The following COL20A1 variants were observed in gnomAD, a reference collection of about 807,000 sequenced individuals.
The protein encoded by COL20A1 is collagen alpha-1(XX) chain.
A neutral mutation model predicts 152.9 loss-of-function variants in COL20A1; 164 were observed. That is an observed-to-expected ratio of 1.07 (90% CI 0.94 to 1.22). COL20A1 has a LOEUF of 1.22. Ranked by LOEUF, COL20A1 falls within the 50% of genes most tolerant of loss-of-function variation. COL20A1 has a pLI of 0.00. For synonymous variants in COL20A1, 864 were observed against 756.0 expected (o/e 1.14, Z -2.34); for missense variants, 1,873 against 1,744.8 (o/e 1.07, Z -1.31).
In COL20A1 at chr20:63,311,737, G is replaced by A. The variant is rs6089877; in HGVS notation, c.1652G>A (p.Arg551His). The change falls in exon 13 of 36, where the codon CGT becomes CAT. Residue 551 changes from arginine to histidine, a missense_variant. Arg to His is a conservative substitution (Grantham distance 29). Transcript: ENST00000358894. This position sits in a 1 kb window ranked among gnomAD's most constrained non-coding sequence, Gnocchi z 4.4. ...GPEGSEARGI[R>H]ARTPTLAPPR... is the part of the protein sequence containing the mutation. ...GAGGGCAGCGAGGCCCGGGGCATCC[G>A]TGCCAGGACCCGTGAGTGCTCCAAC... The A allele has an allele frequency of 0.016, 25,059 of 1,592,994 alleles. 294 individuals are homozygous for A. The highest frequency in any genetic ancestry group is 0.046 in the African/African-American group (3,442 of 74,738).
At position 63,328,440 on chromosome 20, in the gene COL20A1, C is replaced by T. The variant is rs1227184553; in HGVS notation, c.3723C>T (p.Arg1241=). The part of the protein sequence containing the change: ...GTEPLGSPGT[R]SKALVPGEWG... ...AGCCCCTGGGGTCCCCTGGCACCCG[C>T]AGCAAGGCCCTGGTTCCTGGAGAAT... Residue 1241 remains arginine (R), a synonymous_variant, in exon 34 of 36, where the codon CGC becomes CGT. Transcript: ENST00000358894. The T allele has an allele frequency of 3.7e-6, 6 of 1,612,456 alleles. No individual in the cohort carries two copies. Among genetic ancestry groups the T allele is most frequent in the Non-Finnish European group, 5.1e-6 (6 of 1,179,730 alleles).
At chr20:63,322,191 G>A in intron 27 of COL20A1, 80 bp downstream of exon 27, 3 of 1,184,176 alleles carry the variant, frequency 2.5e-6, no homozygotes, top group African/African-American at 1.6e-5. Flanking sequence ...GTGCATTCCT[G>A]AGAGTGCAGG....
intron 31 of COL20A1, 28 bp from the exon 32 acceptor site, chr20:63,327,924 A>T (rs759160477): frequency 1.3e-6 from 2 of 1,580,060 alleles, no homozygotes; most frequent in South Asian, 1.2e-5. Context: ...ATCTCTGCTG[A>T]CTTCTTTTCT....
intron 20 of COL20A1, 47 bp downstream of exon 20, chr20:63,315,486 G>T (rs371585797): frequency 1.3e-4 from 203 of 1,511,870 alleles, no homozygotes; most frequent in Non-Finnish European, 1.5e-4. Context: ...CAGTCTCTCG[G>T]GCTCTTCCTG....
chr20:63,314,261 C>T (rs1400862560), intron 19 of COL20A1, 60 bp downstream of exon 19: 1 of 1,434,122 alleles, frequency 7.0e-7, no homozygotes, highest in Non-Finnish European at 9.6e-7. Flanking sequence ...GCCCTAGACC[C>T]CAGACCCTGC....
chr20:63,326,928 T>G, intron 31 of COL20A1, 105 bp downstream of exon 31: 1 of 740,012 alleles, frequency 1.4e-6, no homozygotes, highest in South Asian at 2.2e-5. Flanking sequence ...GCTCAGGGAC[T>G]TCCTACTGAC....
At position 63,316,610 on chromosome 20, in the gene COL20A1, G is replaced by A; in HGVS notation, c.2582G>A (p.Gly861Asp). Residue 861 changes from glycine to aspartate, a missense_variant, in exon 21 of 36, where the codon GGC becomes GAC. Coordinates refer to ENST00000358894, the MANE Select transcript of COL20A1 (RefSeq NM_020882.4). ...GAAAAGGCTTATGCGTCCATCCGGGGCGTGGCCATGGAGCCCTCTGCCTTC... is the reference window on the plus strand; with the variant it reads ...GAAAAGGCTTATGCGTCCATCCGGGACGTGGCCATGGAGCCCTCTGCCTTC... ...LVEKAYASIR[G>D]VAMEPSAFGG... The A allele has an allele frequency of 6.3e-7, 1 of 1,583,850 alleles. No homozygotes were observed. The highest frequency in any genetic ancestry group is 8.6e-7 in the Non-Finnish European group (1 of 1,165,296).
chr20:63,330,941 G>A lies in COL20A1; in HGVS notation c.*225G>A, dbSNP rs949050730. 5 of 152,296 alleles carry A rather than the reference G, an allele frequency of 3.3e-5. No individual in the cohort carries two copies. The highest frequency in any genetic ancestry group is 2.1e-4 in the South Asian group (1 of 4,834). The allele number at this position is 152,296 out of a possible 1,614,324, so 9.4% of individuals were successfully genotyped here. On this transcript the variant is annotated 3_prime_UTR_variant, in exon 36 of 36. Coordinates refer to ENST00000358894, the MANE Select transcript of COL20A1 (RefSeq NM_020882.4). The stretch of plus-strand genomic sequence containing the variant: ...CCCCTGAGTGCTCACCCAGCCAAGC[G>A]AGGCGGGAGTCATTTCCTGGGAGAG...
chr20:63,325,475 A>T lies in COL20A1; in HGVS notation c.3329A>T (p.His1110Leu). 1 of 1,612,362 alleles carries T rather than the reference A, an allele frequency of 6.2e-7. No individual in the cohort carries two copies. Among genetic ancestry groups the T allele is most frequent in the South Asian group, 1.1e-5 (1 of 90,996 alleles). The change falls in exon 28 of 36, where the codon CAT (histidine) becomes CTT (leucine). Residue 1110 changes from histidine (H) to leucine (L), a missense_variant. Coordinates refer to ENST00000358894, the MANE Select transcript of COL20A1 (RefSeq NM_020882.4). ...PPGVKGEKGD[H>L]GLPGLQGHPG... ...GGGGTCAAAGGAGAGAAGGGAGACC[A>T]TGGGCTTCCAGGCTTGCAGGTAGTG...
At chr20:63,310,142 G>A (rs6062885) in intron 10 of COL20A1, among the ~76,000 whole-genome samples, 1 of 152,160 alleles carries the variant, frequency 6.6e-6, no homozygotes, top group Non-Finnish European at 1.5e-5. Context: ...GGGGCGTTCC[G>A]AGGGTGCTGG....
In COL20A1 at chr20:63,331,775, G is replaced by A. The variant is rs1683112787; in HGVS notation, c.*1059G>A. On this transcript the variant is annotated 3_prime_UTR_variant, in exon 36 of 36. Coordinates refer to ENST00000358894, the MANE Select transcript of COL20A1 (RefSeq NM_020882.4). ...TGAAGAGGGAAGCCATATCATTGAG[G>A]AGAGAATGAAAAGTATTAAAAAGGA... 1 of 152,252 alleles carries A rather than the reference G, an allele frequency of 6.6e-6. No individual in the cohort carries two copies. The highest frequency in any genetic ancestry group is 1.5e-5 in the Non-Finnish European group (1 of 68,042). 9.4% of individuals were successfully genotyped at this position (152,252 alleles called of 1,614,324 possible).
Position 63,305,583 on chromosome 20 carries a change from G to A in COL20A1, c.337+23G>A. The A allele has an allele frequency of 1.3e-6, 2 of 1,573,244 alleles. No homozygotes were observed. Among genetic ancestry groups the A allele is most frequent in the South Asian group, 1.2e-5 (1 of 83,986 alleles). ...TGAGTAAGTCCACCGTCTGCCAGCT[G>A]GGTACCCACTCCTCCAGGCCGGGTC... On this transcript the variant is annotated intron_variant, in intron 4 of 35. Coordinates refer to ENST00000358894, the MANE Select transcript of COL20A1 (RefSeq NM_020882.4). This position sits in a 1 kb window ranked among gnomAD's most constrained non-coding sequence, Gnocchi z 4.9.
intron 20 of COL20A1, among the ~76,000 whole-genome samples, chr20:63,316,010 C>T (rs560614224): frequency 1.3e-5 from 2 of 152,340 alleles, no homozygotes; most frequent in South Asian, 4.1e-4. Flanking sequence ...GCACCTGCGG[C>T]TCTGCGCGGT....
chr20:63,312,508 C>G lies in COL20A1; in HGVS notation c.1892C>G (p.Pro631Arg), dbSNP rs2068022620. 4 of 1,607,982 alleles carry G rather than the reference C, an allele frequency of 2.5e-6. No homozygotes were observed. The South Asian group carries it at 3.3e-5, about 13-fold the overall frequency. Residue 631 changes from proline to arginine, a missense_variant, in exon 15 of 36, where the codon CCT (proline) becomes CGT (arginine). By Grantham distance (103) the Pro-to-Arg change is moderately radical. Transcript: ENST00000358894. ...TYTVRVTCLY[P>R]GGGSSTLTGR... ...ACTGTCCGTGTCACCTGCCTCTACC[C>G]TGGGGGTGGCTCCTCTACGCTGACT...
At chr20:63,315,081 A>G (rs1254517409) in intron 19 of COL20A1, among the ~76,000 whole-genome samples, 2 of 152,088 alleles carry the variant, frequency 1.3e-5, no homozygotes, top group African/African-American at 4.8e-5. Flanking sequence ...AGTTCAGGGC[A>G]CTCCTGGGTG....
chr20:63,301,844 T>C (rs2067866334), intron 3 of COL20A1, among the ~76,000 whole-genome samples: 1 of 152,214 alleles, frequency 6.6e-6, no homozygotes, highest in Non-Finnish European at 1.5e-5. Context: ...TTTCACCCAG[T>C]GTGACAGTCT....
In COL20A1 at chr20:63,306,635, G is replaced by T. The variant is rs1289229571; in HGVS notation, c.496+596G>T. Among the ~76,000 whole-genome samples, 1 of 152,202 alleles carries T rather than the reference G, an allele frequency of 6.6e-6. No individual in the cohort carries two copies. The highest frequency in any genetic ancestry group is 2.4e-5 in the African/African-American group (1 of 41,444). On this transcript the variant is annotated intron_variant, in intron 5 of 35. Transcript: ENST00000358894. This position sits in a 1 kb window ranked among gnomAD's most constrained non-coding sequence, Gnocchi z 6.9. ...GGTAGAGCCACACCAGGACAGAAGAGAAGCCAGGTAAGGGGTGGGCACAGA... is the reference window on the plus strand; with the variant it reads ...GGTAGAGCCACACCAGGACAGAAGATAAGCCAGGTAAGGGGTGGGCACAGA...
Position 63,309,813 on chromosome 20 carries a change from G to C in COL20A1, c.1161G>C (p.Gln387His). The change falls in exon 10 of 36, where the codon CAG becomes CAC. Residue 387 changes from glutamine (Q) to histidine (H), a missense_variant. By Grantham distance (24) the Gln-to-His change is conservative. Transcript: ENST00000358894. ...LPAPTSLVLS[Q>H]VTSSSIRLSW... ...CCCCCACCAGCCTGGTCCTGAGCCA[G>C]GTGACCTCCTCCAGCATCCGCCTGT... The C allele has an allele frequency of 6.2e-7, 1 of 1,609,604 alleles. No homozygotes were observed. Among genetic ancestry groups the C allele is most frequent in the Non-Finnish European group, 8.5e-7 (1 of 1,178,574 alleles).
chr20:63,329,269 G>C, intron 34 of COL20A1: 1 of 330,978 alleles, frequency 3.0e-6, no homozygotes, highest in Non-Finnish European at 5.5e-6. Flanking sequence ...CAGATGAGGG[G>C]TACATCACTA....
Sources: allele counts gnomAD v4.1 joint callset (sites outside exome capture counted in the v4.1 genomes callset), GRCh38; gene constraint gnomAD v4.1.1; non-coding constraint Gnocchi (gnomAD v3.1); transcripts MANE v1.5; gene names NCBI Gene and HGNC (gene_info 2026-07-23, HGNC 2026-07-21).